RXRA: variants seen among roughly 807,000 people sequenced by gnomAD.
The protein encoded by RXRA is retinoid X receptor alpha.
RXRA carries 5 observed loss-of-function variants against 44.5 expected under a neutral mutation model. That is an observed-to-expected ratio of 0.11 (90% CI 0.06 to 0.24). The LOEUF (loss-of-function observed/expected upper bound fraction) is 0.24. Among genes scored for constraint, RXRA ranks in the 10% least tolerant of loss-of-function variants. RXRA has a pLI of 1.00. For synonymous variants in RXRA, 291 were observed against 271.4 expected (o/e 1.07, Z -0.71); for missense variants, 412 against 646.5 (o/e 0.64, Z 3.93).
At chr9:134,401,579 G>A in intron 1 of RXRA, 53 bp from the exon 2 acceptor site, 1 of 1,604,350 alleles carries the variant, frequency 6.2e-7, no homozygotes, top group South Asian at 1.1e-5. Context: ...GGCATTTGGT[G>A]GGGCCTGGAG....
intron 9 of RXRA, among the ~76,000 whole-genome samples, chr9:134,435,272 G>C (rs923486488): frequency 6.6e-6 from 1 of 152,216 alleles, no homozygotes; most frequent in South Asian, 2.1e-4. Flanking sequence ...GGGCAGACAC[G>C]GCCAGCCGGA....
chr9:134,429,159 A>C lies in RXRA; in HGVS notation c.962A>C (p.Lys321Thr). ...ASFSHRSIAV[K>T]DGILLATGLH... ...TTCTCCCACCGCTCCATCGCCGTGA[A>C]GGACGGGATCCTCCTGGCCACCGGG... is the stretch of plus-strand genomic sequence containing the variant. Residue 321 changes from lysine (K) to threonine (T), a missense_variant, in exon 7 of 10, where the codon AAG becomes ACG. Physicochemically the swap from Lys to Thr is moderately conservative, Grantham distance 78. Transcript: ENST00000481739. The C allele has an allele frequency of 6.2e-7, 1 of 1,613,100 alleles. No individual in the cohort carries two copies. Among genetic ancestry groups the C allele is most frequent in the Non-Finnish European group, 8.5e-7 (1 of 1,179,974 alleles).
At chr9:134,423,368 G>A (rs1831380237) in intron 6 of RXRA, 2 of 985,448 alleles carry the variant, frequency 2.0e-6, no homozygotes, top group Non-Finnish European at 2.4e-6. Context: ...GGGCTCCGCC[G>A]CCTCAGCCCG....
intron 1 of RXRA, among the ~76,000 whole-genome samples, chr9:134,335,346 A>G (rs1283748089): frequency 6.6e-6 from 1 of 152,144 alleles, no homozygotes; most frequent in Non-Finnish European, 1.5e-5. Flanking sequence ...AGAGGAGGTG[A>G]TGTAGTTGGG....
In RXRA at chr9:134,357,079, C is replaced by G. The variant is rs192317628; in HGVS notation, c.28+30420C>G. ...CAAAAGAAAAGAAAAAAATCCACCCCCAAACCCACCCAGCCCACACCCTGA... is the reference window on the plus strand; with the variant it reads ...CAAAAGAAAAGAAAAAAATCCACCCGCAAACCCACCCAGCCCACACCCTGA... On this transcript the variant is annotated intron_variant, in intron 1 of 9. Coordinates refer to ENST00000481739, the MANE Select transcript of RXRA (RefSeq NM_002957.6). Among the ~76,000 whole-genome samples the G allele has an allele frequency of 8.9e-3, 1,353 of 152,354 alleles. 8 individuals carry two copies. Among genetic ancestry groups the G allele is most frequent in the Non-Finnish European group, 0.015 (1,001 of 68,030 alleles).
intron 1 of RXRA, among the ~76,000 whole-genome samples, chr9:134,386,058 G>A (rs776432664): frequency 1.3e-5 from 2 of 152,258 alleles, no homozygotes; most frequent in African/African-American, 4.8e-5. Flanking sequence ...GTGGTCACAG[G>A]TGTCTGGTTG....
At chr9:134,362,321 T>C (rs1031089221) in intron 1 of RXRA, among the ~76,000 whole-genome samples, 3 of 152,140 alleles carry the variant, frequency 2.0e-5, no homozygotes, top group African/African-American at 4.8e-5. Context: ...TCGAAGACTC[T>C]TGCTCATCCC....
intron 1 of RXRA, among the ~76,000 whole-genome samples, chr9:134,380,778 G>T (rs1165503764): frequency 6.6e-6 from 1 of 152,128 alleles, no homozygotes; most frequent in Non-Finnish European, 1.5e-5. Context: ...TCTGGCCGAG[G>T]TCTGAGGCCA....
chr9:134,382,128 G>GGA (rs1830655739), intron 1 of RXRA, among the ~76,000 whole-genome samples: 1 of 151,960 alleles, frequency 6.6e-6, no homozygotes, highest in South Asian at 2.1e-4. Flanking sequence ...CAGGATGTGG[G>GGA]GGGGCGCAGG....
At chr9:134,428,270 C>T (rs893310067) in intron 6 of RXRA, among the ~76,000 whole-genome samples, 2 of 145,200 alleles carry the variant, frequency 1.4e-5, no homozygotes, top group Non-Finnish European at 3.0e-5. Context: ...CCACCTGACC[C>T]CCAGGGAACC....
Position 134,339,864 on chromosome 9 carries a change from T to C in RXRA, c.28+13205T>C, listed in dbSNP as rs192572518. On this transcript the variant is annotated intron_variant, in intron 1 of 9. Coordinates refer to ENST00000481739, the MANE Select transcript of RXRA (RefSeq NM_002957.6). The stretch of plus-strand genomic sequence containing the variant: ...GTGTGTGTGTGAGCCCATGTGTGTG[T>C]GTCTGTGAACATCCATGCCCTTGTG... 4.1e-3 allele frequency among the ~76,000 whole-genome samples: 616 copies of C among 149,174 alleles called. 6 individuals are homozygous for C. Among genetic ancestry groups the C allele is most frequent in the East Asian group, 0.027 (136 of 5,094 alleles).
At chr9:134,381,823 C>T (rs745516104) in intron 1 of RXRA, among the ~76,000 whole-genome samples, 1 of 152,130 alleles carries the variant, frequency 6.6e-6, no homozygotes, top group Non-Finnish European at 1.5e-5. Context: ...GGGCGCACTG[C>T]ACCTTAGGTG....
At position 134,430,116 on chromosome 9, in the gene RXRA, G is replaced by A. The variant is rs1831508063; in HGVS notation, c.1043+876G>A. ...TTAGCCAGGATGGTCTCGATCTCCTGACCTCGTGATCCGCCCACCTCGGCC... is the reference window on the plus strand; with the variant it reads ...TTAGCCAGGATGGTCTCGATCTCCTAACCTCGTGATCCGCCCACCTCGGCC... On this transcript the variant is annotated intron_variant, in intron 7 of 9. Transcript: ENST00000481739. 2.0e-5 allele frequency among the ~76,000 whole-genome samples: 3 copies of A among 152,294 alleles called. No homozygotes were observed. The South Asian group carries it at 6.2e-4, about 32-fold the overall frequency.
intron 1 of RXRA, among the ~76,000 whole-genome samples, chr9:134,376,999 G>A (rs371188658): frequency 6.6e-6 from 1 of 152,146 alleles, no homozygotes. Context: ...CCTGTGCCAC[G>A]CCCACTGTCC....
chr9:134,396,743 G>A (rs368230539), intron 1 of RXRA, among the ~76,000 whole-genome samples: 51 of 152,304 alleles, frequency 3.3e-4, no homozygotes, highest in African/African-American at 1.2e-3. Flanking sequence ...TTAGAACGCC[G>A]TCCTTCCCTC....
intron 6 of RXRA, chr9:134,422,532 C>T (rs151087326): frequency 6.7e-5 from 81 of 1,211,320 alleles, no homozygotes; most frequent in Middle Eastern, 2.3e-4. Context: ...TCCCCCCTTC[C>T]GGGACACTCC....
intron 1 of RXRA, among the ~76,000 whole-genome samples, chr9:134,358,551 C>T (rs1789286162): frequency 6.6e-6 from 1 of 152,196 alleles, no homozygotes; most frequent in Admixed American, 6.5e-5. Context: ...TGGGTGCCAC[C>T]CAGGAACTGA....
chr9:134,439,777 G>C lies in RXRA; in HGVS notation c.*3163G>C, dbSNP rs1831699389. On this transcript the variant is annotated 3_prime_UTR_variant, in exon 10 of 10. Coordinates refer to ENST00000481739, the MANE Select transcript of RXRA (RefSeq NM_002957.6). ...CGCGTGTGGAGAGAGCCGCACACCA[G>C]CGCCACCCAGGAAAGGCGGAGCGGT... 1 of 152,270 alleles carries C rather than the reference G, an allele frequency of 6.6e-6. No homozygotes were observed. The highest frequency in any genetic ancestry group is 1.5e-5 in the Non-Finnish European group (1 of 68,046). 9.4% of individuals were successfully genotyped at this position (152,270 alleles called of 1,614,324 possible).
At chr9:134,393,302 G>A (rs955539322) in intron 1 of RXRA, among the ~76,000 whole-genome samples, 3 of 152,362 alleles carry the variant, frequency 2.0e-5, no homozygotes, top group African/African-American at 7.2e-5. Flanking sequence ...GGTCTGTCAA[G>A]AGTTTGGCCT....
Sources: gnomAD v4.1 joint callset for allele counts (sites outside exome capture counted in the v4.1 genomes callset) on GRCh38, gnomAD v4.1.1 for gene constraint, MANE v1.5 for transcripts, NCBI Gene and HGNC (gene_info 2026-07-23, HGNC 2026-07-21) for gene names.